The following ATP6V1B2 variants were observed in gnomAD, a reference collection of about 807,000 sequenced individuals.
ATP6V1B2 encodes V-type proton ATPase subunit B, brain isoform.
ATP6V1B2 carries 23 observed loss-of-function variants against 66.7 expected under a neutral mutation model. The observed-to-expected ratio is 0.34, with a 90% confidence interval of 0.25 to 0.49. The LOEUF (loss-of-function observed/expected upper bound fraction) is 0.49, where lower values mean the gene tolerates loss of function less well. Among genes scored for constraint, ATP6V1B2 ranks in the 20% least tolerant of loss-of-function variants. ATP6V1B2 has a pLI of 0.99. For missense variants in ATP6V1B2, 478 were observed against 650.8 expected (o/e 0.73, Z 2.89); for synonymous variants, 278 against 236.7 (o/e 1.17, Z -1.60).
chr8:20,214,090 G>A (rs561409156), intron 9 of ATP6V1B2: 2 of 152,324 alleles, frequency 1.3e-5, no homozygotes, highest in South Asian at 4.1e-4. Context: ...GTGCTGTGAG[G>A]AGCACCGCTG....
Position 20,211,397 on chromosome 8 carries a change from A to T in ATP6V1B2, c.603+81A>T, listed in dbSNP as rs568092061. 55 of 1,538,018 alleles carry T rather than the reference A, an allele frequency of 3.6e-5. 2 individuals carry two copies. The South Asian group carries it at 6.4e-4, about 18-fold the overall frequency. ...CATCACTGTTACTGAGAAACCGAAT[A>T]AAGGGTTTTCAAAATAAATACTCAG... On this transcript the variant is annotated intron_variant, in intron 6 of 13. Transcript: ENST00000276390.
intron 10 of ATP6V1B2, 94 bp downstream of exon 10, chr8:20,215,062 C>A: frequency 7.5e-7 from 1 of 1,334,064 alleles, no homozygotes; most frequent in Non-Finnish European, 1.0e-6. Flanking sequence ...TTTGAGAACA[C>A]ATCCCCTAAG....
intron 11 of ATP6V1B2, 188 bp from the exon 12 acceptor site, chr8:20,217,032 C>T: frequency 1.8e-6 from 1 of 564,762 alleles, no homozygotes; most frequent in East Asian, 2.9e-5. Flanking sequence ...GAAAGAAATG[C>T]TATGCTATAA....
At chr8:20,218,940 A>G (rs1420020017) in intron 13 of ATP6V1B2, among the ~76,000 whole-genome samples, 2 of 151,862 alleles carry the variant, frequency 1.3e-5, no homozygotes, top group Non-Finnish European at 2.9e-5. Context: ...ATTTTTATCT[A>G]CCTCTGCTAT....
Position 20,197,425 on chromosome 8 carries a change from C to A in ATP6V1B2, c.19C>A (p.Arg7=), listed in dbSNP as rs749448627. 16 of 1,542,198 alleles carry A rather than the reference C, an allele frequency of 1.0e-5. No homozygotes were observed. In the East Asian group the frequency reaches 2.4e-4, roughly 23 times the overall value. The change falls in exon 1 of 14, where the codon CGG becomes AGG. Residue 7 remains arginine (R), a synonymous_variant. Transcript: ENST00000276390. MALRAM[R]GIVNGAAPEL... ...AGACAAGATGGCGCTGCGGGCGATG[C>A]GGGGGATTGTCAACGGGGCCGCACC... is the stretch of plus-strand genomic sequence containing the variant.
rs1303059643 is a variant in ATP6V1B2, at chr8:20,212,820, C to T, written c.842C>T (p.Thr281Ile). 3 of 1,613,832 alleles carry T rather than the reference C, an allele frequency of 1.9e-6. No homozygotes were observed. The highest frequency in any genetic ancestry group is 2.2e-5 in the South Asian group (2 of 91,066). Reference sequence around the variant, plus strand: ...ATCACTCCTCGCCTGGCTCTAACCACAGCTGAATTTCTGGCGTACCAATGT... The same window carrying T: ...ATCACTCCTCGCCTGGCTCTAACCATAGCTGAATTTCTGGCGTACCAATGT... Reference protein sequence around the residue: ...RIITPRLALTTAEFLAYQCEK... With the variant: ...RIITPRLALTIAEFLAYQCEK... The change falls in exon 9 of 14, where the codon ACA becomes ATA. Residue 281 changes from threonine to isoleucine, a missense_variant. By Grantham distance (89) the Thr-to-Ile change is moderately conservative. Coordinates refer to ENST00000276390, the MANE Select transcript of ATP6V1B2 (RefSeq NM_001693.4).
chr8:20,197,970 C>A (rs997039473), intron 1 of ATP6V1B2, among the ~76,000 whole-genome samples: 2 of 152,224 alleles, frequency 1.3e-5, no homozygotes, highest in African/African-American at 4.8e-5. Flanking sequence ...ATGGGGTCTT[C>A]AACTCCTGCG....
chr8:20,204,123 C>T, intron 1 of ATP6V1B2: 1 of 414,586 alleles, frequency 2.4e-6, no homozygotes, highest in South Asian at 1.9e-5. Flanking sequence ...CTCCCACAAA[C>T]CCTGTGCAGG....
At chr8:20,198,258 G>T (rs757725853) in intron 1 of ATP6V1B2, among the ~76,000 whole-genome samples, 11 of 152,214 alleles carry the variant, frequency 7.2e-5, no homozygotes, top group Non-Finnish European at 1.2e-4. Context: ...AAAAATCCAG[G>T]TTCTTAAATT....
In ATP6V1B2 at chr8:20,214,894, A is replaced by T. The variant is rs775220284; in HGVS notation, c.1004A>T (p.Tyr335Phe). Residue 335 changes from tyrosine to phenylalanine, a missense_variant, in exon 10 of 14, where the codon TAT (tyrosine) becomes TTT (phenylalanine). By Grantham distance (22) the Tyr-to-Phe change is conservative. Around this residue, in one of 2 missense-constraint regions of ATP6V1B2, gnomAD observed 326 missense variants for 545.6 expected, o/e 0.60. Coordinates refer to ENST00000276390, the MANE Select transcript of ATP6V1B2 (RefSeq NM_001693.4). Reference sequence around the variant, plus strand: ...ATGTATACAGATTTAGCCACGATATATGAACGCGCTGGGCGAGTGGAAGGG... The same window carrying T: ...ATGTATACAGATTTAGCCACGATATTTGAACGCGCTGGGCGAGTGGAAGGG... ...GYMYTDLATI[Y>F]ERAGRVEGRN... The T allele has an allele frequency of 6.2e-7, 1 of 1,613,708 alleles. No homozygotes were observed.
chr8:20,208,798 C>G (rs1044420991), intron 2 of ATP6V1B2, among the ~76,000 whole-genome samples: 2 of 150,694 alleles, frequency 1.3e-5, no homozygotes, highest in East Asian at 3.9e-4. Context: ...ACCTCCGTCT[C>G]CCCGGCTCAA....
chr8:20,216,532 C>G, intron 11 of ATP6V1B2, 37 bp downstream of exon 11: 1 of 1,562,548 alleles, frequency 6.4e-7, no homozygotes. Context: ...GCTTGCAGAC[C>G]TGCTCATCCG....
At chr8:20,217,870 C>G (rs1030688117) in intron 12 of ATP6V1B2, among the ~76,000 whole-genome samples, 1 of 152,090 alleles carries the variant, frequency 6.6e-6, no homozygotes, top group African/African-American at 2.4e-5. Flanking sequence ...ACTATGAGTT[C>G]TGATTTTCAA....
intron 12 of ATP6V1B2, among the ~76,000 whole-genome samples, chr8:20,217,792 A>C (rs2072870425): frequency 6.6e-6 from 1 of 152,198 alleles, no homozygotes; most frequent in South Asian, 2.1e-4. Flanking sequence ...TAAAGTAGAA[A>C]TGGTAAACTT....
chr8:20,220,291 G>A lies in ATP6V1B2; in HGVS notation c.1425G>A (p.Glu475=). ...CTTACGAAAATCGCACTGTCTTTGA[G>A]ACTTTGGACATTGGCTGGCAGCTAC... ...QGPYENRTVF[E]TLDIGWQLLR... Residue 475 remains glutamate, a synonymous_variant, in exon 14 of 14, where the codon GAG becomes GAA. Transcript: ENST00000276390. The A allele has an allele frequency of 1.2e-6, 2 of 1,603,752 alleles. No homozygotes were observed. The highest frequency in any genetic ancestry group is 1.7e-6 in the Non-Finnish European group (2 of 1,177,218).
rs527282384 is a variant in ATP6V1B2 at position 20,204,119 on chromosome 8, CA to C, written c.137-362del. ...TTCCCCTGTTTCTGCTGTGCTCCCA[CA>C]AACCCTGTGCAGGCCATAGTTAGAG... is the stretch of plus-strand genomic sequence containing the variant. On this transcript the variant is annotated intron_variant, in intron 1 of 13. Transcript: ENST00000276390. 4.4e-3 allele frequency: 1,867 copies of C among 420,784 alleles called. 12 individuals carry two copies. Among genetic ancestry groups the C allele is most frequent in the Middle Eastern group, 0.015 (43 of 2,864 alleles). The allele number at this position is 420,784 out of a possible 1,614,324, so 26.1% of individuals were successfully genotyped here. A position where few individuals can be genotyped will look rare whatever the true frequency, so the allele number is the denominator to read the frequency against.
chr8:20,217,781 A>G (rs900465522), intron 12 of ATP6V1B2, among the ~76,000 whole-genome samples: 5 of 152,220 alleles, frequency 3.3e-5, no homozygotes, highest in Non-Finnish European at 7.3e-5. Flanking sequence ...CACTATGGCC[A>G]TAAAGTAGAA....
intron 3 of ATP6V1B2, 62 bp downstream of exon 3, chr8:20,209,593 G>T (rs1447596184): frequency 1.4e-6 from 2 of 1,419,990 alleles, no homozygotes; most frequent in East Asian, 2.3e-5. Context: ...AACACTGCTT[G>T]TTTCTTTCTG....
At chr8:20,210,063 A>T (rs1019182651) in intron 3 of ATP6V1B2, among the ~76,000 whole-genome samples, 8 of 147,104 alleles carry the variant, frequency 5.4e-5, no homozygotes, top group African/African-American at 9.9e-5. Flanking sequence ...CCCTTTAAAA[A>T]ATATATATAT....
Sources: allele counts gnomAD v4.1 joint callset (sites outside exome capture counted in the v4.1 genomes callset), GRCh38; gene constraint gnomAD v4.1.1; regional missense constraint gnomAD v4.1.1; transcripts MANE v1.5; gene names NCBI Gene and HGNC (gene_info 2026-07-23, HGNC 2026-07-21).